The following C9orf85 variants were observed in gnomAD, a reference collection of about 807,000 sequenced individuals.
C9orf85 encodes uncharacterized protein C9orf85.
C9orf85 carries 16 observed loss-of-function variants against 14.9 expected under a neutral mutation model. That is an observed-to-expected ratio of 1.08 (90% confidence interval 0.73 to 1.63). The LOEUF (loss-of-function observed/expected upper bound fraction) is 1.63. C9orf85 is among the 40% of genes most tolerant of loss of function. C9orf85 has a pLI of 0.00. For missense variants in C9orf85, 172 were observed against 186.1 expected (o/e 0.92, Z 0.44); for synonymous variants, 45 against 56.8 (o/e 0.79, Z 0.93).
intron 2 of C9orf85, among the ~76,000 whole-genome samples, chr9:71,963,653 G>A (rs1219443090): frequency 2.0e-5 from 3 of 152,218 alleles, no homozygotes; most frequent in East Asian, 1.9e-4. Flanking sequence ...CGGCCCTGCC[G>A]CCCCGGGCAA....
downstream of C9orf85, chr9:71,983,668 A>G (rs574641975): frequency 2.6e-5 from 4 of 152,300 alleles, no homozygotes; most frequent in East Asian, 3.9e-4. Context: ...GTGATTTCTT[A>G]TAGATTTTTA....
chr9:71,937,749 C>A (rs1284077798), intron 1 of C9orf85, among the ~76,000 whole-genome samples: 2 of 152,006 alleles, frequency 1.3e-5, no homozygotes, highest in South Asian at 2.1e-4. Flanking sequence ...ATCACCTATA[C>A]TTTAGATATC....
intron 1 of C9orf85, among the ~76,000 whole-genome samples, chr9:71,912,487 C>T (rs1271679988): frequency 6.6e-6 from 1 of 152,126 alleles, no homozygotes; most frequent in African/African-American, 2.4e-5. Context: ...GCTCAAAGTG[C>T]TGTAATCCCA....
chr9:71,915,902 T>C (rs1423563299), intron 1 of C9orf85, among the ~76,000 whole-genome samples: 1 of 152,224 alleles, frequency 6.6e-6, no homozygotes, highest in Non-Finnish European at 1.5e-5. Context: ...CATTGAGTTG[T>C]TTTCAGTTTT....
rs185455985 is a variant in C9orf85, at chr9:71,945,257, C to G, written c.103-1749C>G. On this transcript the variant is annotated intron_variant, in intron 1 of 3. Coordinates refer to ENST00000334731, the MANE Select transcript of C9orf85 (RefSeq NM_182505.5). Reference sequence around the variant, plus strand: ...CAAATGATGAATGTGAACTTTGCTTCTGCATTTCTTAGCTAGCTTTGTCCA... The same window carrying G: ...CAAATGATGAATGTGAACTTTGCTTGTGCATTTCTTAGCTAGCTTTGTCCA... Among the ~76,000 whole-genome samples the G allele has an allele frequency of 2.2e-3, 330 of 152,352 alleles. 1 individual carries two copies. Among genetic ancestry groups the G allele is most frequent in the African/African-American group, 7.7e-3 (322 of 41,580 alleles).
At chr9:71,939,075 A>T (rs1360131082) in intron 1 of C9orf85, among the ~76,000 whole-genome samples, 1 of 17,078 alleles carries the variant, frequency 5.9e-5, no homozygotes, top group African/African-American at 6.7e-5. Context: ...CTGTATTTTT[A>T]TAAAATTTCT....
intron 1 of C9orf85, among the ~76,000 whole-genome samples, chr9:71,939,025 G>A (rs10781053): frequency 0.95 from 144,273 of 151,668 alleles, 68,977 homozygotes; most frequent in East Asian, 1. Flanking sequence ...GCTGCAAAGT[G>A]TAGAATCTCT....
intron 3 of C9orf85, among the ~76,000 whole-genome samples, chr9:71,980,147 A>T (rs1400142105): frequency 6.6e-6 from 1 of 151,442 alleles, no homozygotes; most frequent in Non-Finnish European, 1.5e-5. Context: ...CAGGGTAGCT[A>T]GGATCACAGG....
chr9:71,917,996 A>G (rs973532273), intron 1 of C9orf85, among the ~76,000 whole-genome samples: 1 of 152,190 alleles, frequency 6.6e-6, no homozygotes, highest in Admixed American at 6.5e-5. Context: ...CAGCCTGGCC[A>G]ACATGGTAAA....
intron 3 of C9orf85, among the ~76,000 whole-genome samples, chr9:71,980,427 G>A (rs1823077291): frequency 6.6e-6 from 1 of 152,118 alleles, no homozygotes; most frequent in Non-Finnish European, 1.5e-5. Flanking sequence ...ATTGGCCCTG[G>A]GGAAATTGCC....
At chr9:71,913,664 AC>A (rs1300926582) in intron 1 of C9orf85, among the ~76,000 whole-genome samples, 5 of 152,180 alleles carry the variant, frequency 3.3e-5, no homozygotes, top group African/African-American at 1.2e-4. Flanking sequence ...GTGTATTCTT[AC>A]CCTAAGGTTG....
downstream of C9orf85, chr9:71,984,952 G>A (rs1205183415): frequency 6.6e-6 from 1 of 152,312 alleles, no homozygotes; most frequent in African/African-American, 2.4e-5. Flanking sequence ...GAGGGGAGGA[G>A]AGAGAGGCAT....
chr9:71,924,006 T>A (rs1266632405), intron 1 of C9orf85, among the ~76,000 whole-genome samples: 1 of 152,202 alleles, frequency 6.6e-6, no homozygotes, highest in Non-Finnish European at 1.5e-5. Context: ...ATGACCAGGC[T>A]CTTTTCAGAA....
At chr9:71,980,248 A>T (rs1823074098) in intron 3 of C9orf85, among the ~76,000 whole-genome samples, 1 of 152,112 alleles carries the variant, frequency 6.6e-6, no homozygotes, top group African/African-American at 2.4e-5. Context: ...TCCTGACTGC[A>T]AGTGATCCAC....
At chr9:71,931,038 G>T (rs1313165586) in intron 1 of C9orf85, among the ~76,000 whole-genome samples, 1 of 152,076 alleles carries the variant, frequency 6.6e-6, no homozygotes, top group Non-Finnish European at 1.5e-5. Context: ...AGGAATAAAG[G>T]CCAGAAACTA....
intron 1 of C9orf85, among the ~76,000 whole-genome samples, chr9:71,933,943 C>T (rs1828129779): frequency 6.6e-6 from 1 of 152,190 alleles, no homozygotes. Context: ...TTTGAATCCA[C>T]CTATGACCTG....
chr9:71,969,594 G>C (rs1233111014), intron 2 of C9orf85, among the ~76,000 whole-genome samples: 1 of 152,122 alleles, frequency 6.6e-6, no homozygotes, highest in Non-Finnish European at 1.5e-5. Context: ...CAGTATCATT[G>C]ATTCTGTTCT....
chr9:71,964,950 G>A (rs889235940), intron 2 of C9orf85, among the ~76,000 whole-genome samples: 8 of 152,226 alleles, frequency 5.3e-5, no homozygotes, highest in African/African-American at 1.4e-4. Context: ...CCAGTCAGGA[G>A]CGGCAATGGG....
At chr9:71,977,082 A>C (rs758337260), downstream of C9orf85, among the ~76,000 whole-genome samples, 3 of 152,188 alleles carry the variant, frequency 2.0e-5, no homozygotes, top group African/African-American at 7.2e-5. Flanking sequence ...GAGCCCTGAC[A>C]TTGTGAAGCT....
Sources: gnomAD v4.1 joint callset for allele counts (sites outside exome capture counted in the v4.1 genomes callset) on GRCh38, gnomAD v4.1.1 for gene constraint, MANE v1.5 for transcripts, NCBI Gene and HGNC (gene_info 2026-07-23, HGNC 2026-07-21) for gene names.